BCAS3: variants seen among roughly 807,000 people sequenced by gnomAD.
The protein encoded by BCAS3 is BCAS4/BCAS3 fusion.
Under a neutral mutation model 116.1 loss-of-function variants are expected in BCAS3, and 53 were observed. The observed-to-expected ratio is 0.46, with a 90% CI of 0.37 to 0.57. BCAS3 has a LOEUF of 0.57. Among genes scored for constraint, BCAS3 ranks in the 20% least tolerant of loss-of-function variants. The probability of loss-of-function intolerance (pLI) is 0.00; values close to 1 mark genes in which losing one functional copy is unlikely to be tolerated. For missense variants in BCAS3, 917 were observed against 1,165.4 expected (o/e 0.79, Z 3.10); for synonymous variants, 391 against 408.2 (o/e 0.96, Z 0.51).
intron 6 of BCAS3, among the ~76,000 whole-genome samples, chr17:60,763,401 ATGAAGTGCTGTCGAATTT>A (rs2043746941): frequency 6.6e-6 from 1 of 152,182 alleles, no homozygotes; most frequent in Non-Finnish European, 1.5e-5. Flanking sequence ...AGTTTTTAGC[ATGAAGTGCTGTCGAATTT>A]TGTCGAAGGC....
intron 22 of BCAS3, among the ~76,000 whole-genome samples, chr17:61,206,072 A>T (rs747623021): frequency 6.6e-6 from 1 of 152,054 alleles, no homozygotes; most frequent in Non-Finnish European, 1.5e-5. Flanking sequence ...GGTTTTTTTC[A>T]TTTATATGGA....
intron 12 of BCAS3, among the ~76,000 whole-genome samples, chr17:60,920,220 C>T (rs1253201019): frequency 6.6e-6 from 1 of 152,120 alleles, no homozygotes; most frequent in East Asian, 1.9e-4. Flanking sequence ...TCCCCAAAAG[C>T]GATTGCAACC....
chr17:61,108,854 A>G lies in BCAS3; in HGVS notation c.2425+24290A>G, dbSNP rs2074856599. Among the ~76,000 whole-genome samples the G allele has an allele frequency of 6.6e-5, 10 of 152,142 alleles. No individual in the cohort carries two copies. The South Asian group carries it at 2.1e-3, about 32-fold the overall frequency. On this transcript the variant is annotated intron_variant, in intron 22 of 23. Transcript: ENST00000407086. ...AGCTCCCACTTATGAGTGAGAACAT[A>G]TGATGTTTGGTTTTCCATTCCTGAG...
Position 61,248,973 on chromosome 17 carries a change from TGC to T in BCAS3, c.2426-119353_2426-119352del, listed in dbSNP as rs1448840755. ...CTTTTCCTGTGTATTCTACTATTCCTGCAAAAATTTGTTTTTAAAATAAGAAA... is the reference window on the plus strand; with the variant it reads ...CTTTTCCTGTGTATTCTACTATTCCTAAAAATTTGTTTTTAAAATAAGAAA... On this transcript the variant is annotated intron_variant, in intron 22 of 23. Coordinates refer to ENST00000407086, the MANE Select transcript of BCAS3 (RefSeq NM_017679.5). The surrounding 1 kb of genome is among the most constrained non-coding windows in gnomAD (Gnocchi z 4.3). Among the ~76,000 whole-genome samples the T allele has an allele frequency of 6.6e-6, 1 of 152,192 alleles. No individual in the cohort carries two copies. Among genetic ancestry groups the T allele is most frequent in the African/African-American group, 2.4e-5 (1 of 41,450 alleles).
At chr17:61,187,619 T>A (rs1361221754) in intron 22 of BCAS3, among the ~76,000 whole-genome samples, 2 of 152,254 alleles carry the variant, frequency 1.3e-5, no homozygotes, top group Admixed American at 1.3e-4. Context: ...TATTTATTGA[T>A]GACTTTGCTC....
In BCAS3 at chr17:61,084,148, A is replaced by G. The variant is rs1233094742; in HGVS notation, c.2328-319A>G. 1.3e-5 allele frequency among the ~76,000 whole-genome samples: 2 copies of G among 152,166 alleles called. No individual in the cohort carries two copies. The highest frequency in any genetic ancestry group is 4.8e-5 in the African/African-American group (2 of 41,444). On this transcript the variant is annotated intron_variant, in intron 21 of 23. Coordinates refer to ENST00000407086, the MANE Select transcript of BCAS3 (RefSeq NM_017679.5). The surrounding 1 kb of genome is among the most constrained non-coding windows in gnomAD (Gnocchi z 5.5). ...AAATCCCAAAGGTTTCAGTATAAACATTTTCAGTGTTTAATTTCCTCTCCC... is the reference window on the plus strand; with the variant it reads ...AAATCCCAAAGGTTTCAGTATAAACGTTTTCAGTGTTTAATTTCCTCTCCC...
Position 61,332,063 on chromosome 17 carries a change from G to A in BCAS3, c.2426-36264G>A, listed in dbSNP as rs954833050. On this transcript the variant is annotated intron_variant, in intron 22 of 23. Coordinates refer to ENST00000407086, the MANE Select transcript of BCAS3 (RefSeq NM_017679.5). The surrounding 1 kb of genome is among the most constrained non-coding windows in gnomAD (Gnocchi z 5.4). The stretch of plus-strand genomic sequence containing the variant: ...GTGTCTGGTTTGGCATGTGGGTCTC[G>A]ACCTCCCATGAGCAGGGCGAGGCTG... Among the ~76,000 whole-genome samples, 1 of 152,068 alleles carries A rather than the reference G, an allele frequency of 6.6e-6. No individual in the cohort carries two copies. Among genetic ancestry groups the A allele is most frequent in the South Asian group, 2.1e-4 (1 of 4,820 alleles).
Position 61,302,344 on chromosome 17 carries a change from G to A in BCAS3, c.2426-65983G>A, listed in dbSNP as rs1188963123. Among the ~76,000 whole-genome samples the A allele has an allele frequency of 1.3e-5, 2 of 152,178 alleles. No individual in the cohort carries two copies. Among genetic ancestry groups the A allele is most frequent in the Non-Finnish European group, 2.9e-5 (2 of 68,038 alleles). On this transcript the variant is annotated intron_variant, in intron 22 of 23. Transcript: ENST00000407086. This position sits in a 1 kb window ranked among gnomAD's most constrained non-coding sequence, Gnocchi z 4.4. ...CTTCAAGTATTCAGCAATAACTCAT[G>A]TCCACTTAATGTGAAAATTGGTACC...
At chr17:60,927,229 T>TTTC (rs2059406425) in intron 13 of BCAS3, among the ~76,000 whole-genome samples, 2 of 151,670 alleles carry the variant, frequency 1.3e-5, no homozygotes, top group Admixed American at 6.6e-5. Flanking sequence ...TTATTTATTT[T>TTTC]TTTCTTTCTT....
chr17:61,115,128 A>T (rs1400499438), intron 22 of BCAS3, among the ~76,000 whole-genome samples: 1 of 151,484 alleles, frequency 6.6e-6, no homozygotes, highest in Non-Finnish European at 1.5e-5. Context: ...ACCTAAAACC[A>T]TAAAAACCCT....
At chr17:60,750,481 G>GA (rs200414231) in intron 6 of BCAS3, among the ~76,000 whole-genome samples, 26 of 150,156 alleles carry the variant, frequency 1.7e-4, no homozygotes, top group Middle Eastern at 3.4e-3. Flanking sequence ...AATAAGGCAA[G>GA]AAAAAAAAAT....
In BCAS3 at chr17:61,095,286, A is replaced by C. The variant is rs988167632; in HGVS notation, c.2425+10722A>C. Among the ~76,000 whole-genome samples the C allele has an allele frequency of 1.3e-5, 2 of 152,216 alleles. No homozygotes were observed. The highest frequency in any genetic ancestry group is 4.8e-5 in the African/African-American group (2 of 41,468). ...TGTCTATTAGAGGATTTTCTCTTAA[A>C]AATGTTACTTTTCTCACTTCTTTCT... On this transcript the variant is annotated intron_variant, in intron 22 of 23. Transcript: ENST00000407086. This position sits in a 1 kb window ranked among gnomAD's most constrained non-coding sequence, Gnocchi z 4.7.
intron 14 of BCAS3, among the ~76,000 whole-genome samples, chr17:60,957,235 A>G (rs1433025171): frequency 6.6e-6 from 1 of 152,228 alleles, no homozygotes; most frequent in African/African-American, 2.4e-5. Flanking sequence ...TAATTTTACC[A>G]TTCTAGAATA....
At chr17:61,003,094 T>G (rs192555078) in intron 15 of BCAS3, among the ~76,000 whole-genome samples, 13 of 152,068 alleles carry the variant, frequency 8.5e-5, no homozygotes, top group South Asian at 2.1e-4. Flanking sequence ...TGGTTTTTTT[T>G]GGGCCCTTTC....
At chr17:61,358,398 A>G (rs1460636637) in intron 22 of BCAS3, among the ~76,000 whole-genome samples, 1 of 152,006 alleles carries the variant, frequency 6.6e-6, no homozygotes. Context: ...AATGGCAATG[A>G]GCGTATTTAT....
At chr17:61,177,943 AC>A (rs536599591) in intron 22 of BCAS3, among the ~76,000 whole-genome samples, 147 of 152,292 alleles carry the variant, frequency 9.7e-4, no homozygotes, top group African/African-American at 3.2e-3. Context: ...TATGTACATT[AC>A]ATAAGACTAT....
At chr17:61,127,265 T>C (rs2076094721) in intron 22 of BCAS3, among the ~76,000 whole-genome samples, 1 of 152,166 alleles carries the variant, frequency 6.6e-6, no homozygotes, top group Non-Finnish European at 1.5e-5. Context: ...CTATTCCATG[T>C]TATCTCCATT....
chr17:61,254,777 G>GAAAAA lies in BCAS3; in HGVS notation c.2426-113542_2426-113538dup, dbSNP rs61471068. Among the ~76,000 whole-genome samples, 6 of 73,532 alleles carry GAAAAA rather than the reference G, an allele frequency of 8.2e-5. No individual in the cohort carries two copies. The East Asian group carries it at 2.3e-3, about 28-fold the overall frequency. 48.2% of individuals were successfully genotyped at this position (73,532 alleles called of 152,430 possible). A position where few individuals can be genotyped will look rare whatever the true frequency, so the allele number is the denominator to read the frequency against. Reference sequence around the variant, plus strand: ...GGTGACAGAGTGAGACTCCGTCTCAGAAAAAAAAAAAAGGATTAGAAAATT... The same window carrying GAAAAA: ...GGTGACAGAGTGAGACTCCGTCTCAGAAAAAAAAAAAAAAAAAGGATTAGAAAATT... On this transcript the variant is annotated intron_variant, in intron 22 of 23. Transcript: ENST00000407086.
intron 12 of BCAS3, among the ~76,000 whole-genome samples, chr17:60,922,513 AT>A (rs1418744850): frequency 3.9e-5 from 6 of 152,336 alleles, no homozygotes; most frequent in Admixed American, 3.9e-4. Context: ...TTCCACATGC[AT>A]GTTAGTAAAC....
Sources: allele counts gnomAD v4.1 joint callset (sites outside exome capture counted in the v4.1 genomes callset), GRCh38; gene constraint gnomAD v4.1.1; non-coding constraint Gnocchi (gnomAD v3.1); transcripts MANE v1.5; gene names NCBI Gene and HGNC (gene_info 2026-07-23, HGNC 2026-07-21).